Variants in COL22A1 observed in about 807,000 individuals in gnomAD.
COL22A1 encodes collagen type XXII alpha 1 chain.
Under a neutral mutation model 248.9 loss-of-function variants are expected in COL22A1, and 221 were observed. The observed-to-expected ratio is 0.89, with a 90% CI of 0.80 to 0.99. The LOEUF (loss-of-function observed/expected upper bound fraction) is 0.99, where lower values mean the gene tolerates loss of function less well. Ranked by LOEUF, COL22A1 falls within the 50% of genes least tolerant of loss-of-function variation. The probability of loss-of-function intolerance (pLI) is 0.00; values close to 1 mark genes in which losing one functional copy is unlikely to be tolerated. For synonymous variants in COL22A1, 891 were observed against 793.4 expected (o/e 1.12, Z -2.07); for missense variants, 2,240 against 2,179.0 (o/e 1.03, Z -0.56).
intron 16 of COL22A1, among the ~76,000 whole-genome samples, chr8:138,769,097 C>G (rs971269750): frequency 6.6e-6 from 1 of 152,114 alleles, no homozygotes; most frequent in Non-Finnish European, 1.5e-5. Flanking sequence ...GACACGTAGG[C>G]TCTCCTTGTC....
intron 22 of COL22A1, among the ~76,000 whole-genome samples, chr8:138,740,763 G>A (rs1473289602): frequency 6.6e-6 from 1 of 152,188 alleles, no homozygotes; most frequent in Non-Finnish European, 1.5e-5. Context: ...AAAGAAAAGT[G>A]TCAGAGCAGG....
At chr8:138,771,345 G>A (rs553317716) in intron 16 of COL22A1, among the ~76,000 whole-genome samples, 1 of 152,314 alleles carries the variant, frequency 6.6e-6, no homozygotes, top group South Asian at 2.1e-4. Context: ...CAGATGGGAA[G>A]GCCCAAACCA....
At position 138,690,483 on chromosome 8, in the gene COL22A1, G is replaced by A. The variant is rs552621093; in HGVS notation, c.2808+338C>T. ...AATAAAAGAGCTGGATTCGAATCCAGGTCCCCCAATAGCCGTCAGGGGACC... is the reference window on the plus strand; with the variant it reads ...AATAAAAGAGCTGGATTCGAATCCAAGTCCCCCAATAGCCGTCAGGGGACC... On this transcript the variant is annotated intron_variant, in intron 36 of 64. Coordinates refer to ENST00000303045, the MANE Select transcript of COL22A1 (RefSeq NM_152888.3). Among the ~76,000 whole-genome samples the A allele has an allele frequency of 2.6e-5, 4 of 152,256 alleles. No homozygotes were observed. In the East Asian group the frequency reaches 5.8e-4, roughly 22 times the overall value.
intron 58 of COL22A1, 93 bp downstream of exon 58, chr8:138,606,288 C>T (rs376587024): frequency 6.9e-6 from 8 of 1,158,448 alleles, no homozygotes; most frequent in East Asian, 5.1e-5. Flanking sequence ...GCAGACAGAA[C>T]TGAGGACACA....
chr8:138,891,352 G>A (rs1425086687), intron 1 of COL22A1, among the ~76,000 whole-genome samples: 2 of 152,174 alleles, frequency 1.3e-5, no homozygotes, highest in Non-Finnish European at 2.9e-5. Flanking sequence ...CCTGGGTTCA[G>A]GGAGGATAGA....
At chr8:138,730,811 C>G (rs371559378) in intron 23 of COL22A1, among the ~76,000 whole-genome samples, 3 of 151,352 alleles carry the variant, frequency 2.0e-5, no homozygotes, top group African/African-American at 7.3e-5. Flanking sequence ...TTAGTAGGGC[C>G]TGAACAGAGG....
chr8:138,735,338 C>A (rs111995040), intron 23 of COL22A1, among the ~76,000 whole-genome samples: 1 of 152,134 alleles, frequency 6.6e-6, no homozygotes, highest in Admixed American at 6.6e-5. Flanking sequence ...CCACTGAGAT[C>A]CCTGAACACA....
intron 41 of COL22A1, among the ~76,000 whole-genome samples, chr8:138,668,364 T>A (rs922890770): frequency 1.3e-5 from 2 of 152,150 alleles, no homozygotes; most frequent in African/African-American, 4.8e-5. Flanking sequence ...TTTTAGTATA[T>A]TTGAATTTCT....
chr8:138,636,716 T>C (rs1425114892), intron 48 of COL22A1, 26 bp downstream of exon 48: 2 of 1,583,128 alleles, frequency 1.3e-6, no homozygotes, highest in African/African-American at 1.3e-5. Flanking sequence ...TCAGGGTGAA[T>C]GGTTCCTTAT....
intron 56 of COL22A1, 137 bp from the exon 57 acceptor site, chr8:138,608,126 A>G (rs770825412): frequency 1.5e-5 from 9 of 591,408 alleles, no homozygotes; most frequent in Non-Finnish European, 2.0e-5. Flanking sequence ...TCAGTCTACC[A>G]CTTCATTACT....
In COL22A1 at chr8:138,698,713, T is replaced by G. The variant is rs576011751; in HGVS notation, c.2592+1399A>C. Reference sequence around the variant, plus strand: ...GGTGAGAGAGGTGCTGTGTCCCTCATGCAGTGAGTACCTGCCATGCAGGTG... The same window carrying G: ...GGTGAGAGAGGTGCTGTGTCCCTCAGGCAGTGAGTACCTGCCATGCAGGTG... On this transcript the variant is annotated intron_variant, in intron 32 of 64. Coordinates refer to ENST00000303045, the MANE Select transcript of COL22A1 (RefSeq NM_152888.3). 2.6e-5 allele frequency among the ~76,000 whole-genome samples: 4 copies of G among 151,698 alleles called. No individual in the cohort carries two copies. In the South Asian group the frequency reaches 8.3e-4, roughly 32 times the overall value.
intron 53 of COL22A1, 94 bp downstream of exon 53, chr8:138,619,361 G>A: frequency 8.9e-7 from 1 of 1,127,794 alleles, no homozygotes. Context: ...GGACCCCACG[G>A]TTGGGCAGTC....
intron 63 of COL22A1, among the ~76,000 whole-genome samples, chr8:138,593,054 C>T (rs941501391): frequency 1.3e-5 from 2 of 152,096 alleles, no homozygotes; most frequent in Admixed American, 6.5e-5. Context: ...AGAATGAGTT[C>T]ATGTCCTTTG....
At chr8:138,617,643 T>A (rs756562248) in intron 53 of COL22A1, among the ~76,000 whole-genome samples, 1 of 152,164 alleles carries the variant, frequency 6.6e-6, no homozygotes, top group African/African-American at 2.4e-5. Flanking sequence ...AGCTCAAGGA[T>A]AACAAAAATG....
chr8:138,803,770 A>T (rs926554564), intron 10 of COL22A1, among the ~76,000 whole-genome samples: 1 of 152,222 alleles, frequency 6.6e-6, no homozygotes, highest in Non-Finnish European at 1.5e-5. Flanking sequence ...AGGTGTAGGC[A>T]CAGGAAACAG....
intron 64 of COL22A1, among the ~76,000 whole-genome samples, chr8:138,590,746 A>G (rs1383151482): frequency 1.3e-5 from 2 of 152,202 alleles, no homozygotes; most frequent in Non-Finnish European, 2.9e-5. Context: ...CCTTCTACCT[A>G]TACATCTAAT....
intron 30 of COL22A1, among the ~76,000 whole-genome samples, chr8:138,711,565 C>A (rs1304813694): frequency 6.6e-6 from 1 of 152,162 alleles, no homozygotes; most frequent in South Asian, 2.1e-4. Flanking sequence ...AAGTCCACGG[C>A]AGCAGCAGGC....
chr8:138,763,514 C>T (rs549513386), intron 16 of COL22A1, among the ~76,000 whole-genome samples: 12 of 152,318 alleles, frequency 7.9e-5, no homozygotes, highest in African/African-American at 2.9e-4. Flanking sequence ...AGCCAACTCC[C>T]AGGTGCTGGT....
chr8:138,686,290 T>A (rs1049589681), intron 37 of COL22A1, among the ~76,000 whole-genome samples: 3 of 152,134 alleles, frequency 2.0e-5, no homozygotes, highest in Non-Finnish European at 4.4e-5. Context: ...CAGTGCTTCA[T>A]CTTCTCTGAC....
Sources: gnomAD v4.1 joint callset for allele counts (sites outside exome capture counted in the v4.1 genomes callset) on GRCh38, gnomAD v4.1.1 for gene constraint, MANE v1.5 for transcripts, NCBI Gene and HGNC (gene_info 2026-07-23, HGNC 2026-07-21) for gene names.